Variants in RIN2 observed in about 807,000 individuals in gnomAD.
RIN2 encodes the protein Ras and Rab interactor 2, also known as RAB5 interacting protein 2.
RIN2 carries 36 observed loss-of-function variants against 78.0 expected under a neutral mutation model. The ratio of observed to expected loss-of-function variants is 0.46; its 90% confidence interval spans 0.35 to 0.61. RIN2 has a LOEUF of 0.61. Ranked by LOEUF, RIN2 falls within the 20% of genes least tolerant of loss-of-function variation. The probability of loss-of-function intolerance (pLI) is 0.00; values close to 1 mark genes in which losing one functional copy is unlikely to be tolerated. For synonymous variants in RIN2, 466 were observed against 466.8 expected (o/e 1.00, Z 0.02); for missense variants, 1,087 against 1,159.7 (o/e 0.94, Z 0.91).
Position 19,889,570 on chromosome 20 carries a change from C to G in RIN2, c.-32C>G, listed in dbSNP as rs1226712740. On this transcript the variant is annotated 5_prime_UTR_variant, in exon 3 of 13. Coordinates refer to ENST00000255006, the MANE Select transcript of RIN2 (RefSeq NM_018993.4). ...TAAAAATGTCTCTACCTTCAGGAGT[C>G]CCCGGCGTGCAGTGGAGCCTCGCTG... 6.5e-7 allele frequency: 1 copy of G among 1,546,778 alleles called. No homozygotes were observed. Among genetic ancestry groups the G allele is most frequent in the East Asian group, 2.5e-5 (1 of 40,564 alleles).
chr20:19,842,895 G>A (rs2036627000), intron 2 of RIN2, among the ~76,000 whole-genome samples: 2 of 151,822 alleles, frequency 1.3e-5, no homozygotes, highest in South Asian at 4.2e-4. Flanking sequence ...ATGTCACAAA[G>A]AACATTCATG....
intron 4 of RIN2, among the ~76,000 whole-genome samples, chr20:19,952,490 G>T (rs1007220676): frequency 1.2e-4 from 19 of 152,244 alleles, no homozygotes; most frequent in Admixed American, 9.8e-4. Flanking sequence ...GAATCAAGGT[G>T]TCAGCTTAGT....
intron 4 of RIN2, among the ~76,000 whole-genome samples, chr20:19,935,776 G>A (rs775293440): frequency 6.7e-6 from 1 of 149,942 alleles, no homozygotes; most frequent in Non-Finnish European, 1.5e-5. Flanking sequence ...GGAGGCAAGG[G>A]ACTGGTCTGT....
At chr20:19,783,341 T>TG (rs1165999421) in intron 1 of RIN2, among the ~76,000 whole-genome samples, 2 of 152,230 alleles carry the variant, frequency 1.3e-5, no homozygotes, top group Non-Finnish European at 2.9e-5. Context: ...TCCCCATCAC[T>TG]GCCCCTTTGA....
chr20:19,857,262 C>T (rs1379337169), intron 2 of RIN2, among the ~76,000 whole-genome samples: 1 of 152,114 alleles, frequency 6.6e-6, no homozygotes, highest in Non-Finnish European at 1.5e-5. Flanking sequence ...TTTTGCTCAA[C>T]ATAATGTTTT....
intron 1 of RIN2, among the ~76,000 whole-genome samples, chr20:19,795,170 C>T (rs1052124939): frequency 6.6e-6 from 1 of 152,156 alleles, no homozygotes; most frequent in African/African-American, 2.4e-5. Flanking sequence ...AACCCGGACT[C>T]GCAGGGAAGT....
intron 2 of RIN2, among the ~76,000 whole-genome samples, chr20:19,840,678 A>G (rs2036551830): frequency 6.6e-6 from 1 of 152,170 alleles, no homozygotes; most frequent in Non-Finnish European, 1.5e-5. Flanking sequence ...CTGGGAGAAC[A>G]TCTTCATCCA....
Position 19,769,265 on chromosome 20 carries a change from C to T in RIN2, c.-163+10938C>T, listed in dbSNP as rs573017497. On this transcript the variant is annotated intron_variant, in intron 1 of 12. Transcript: ENST00000255006. ...AGCTTTCTGTTTCTATTATTATTGG[C>T]TCTGAGTTCCTTGAAGGGTAAGTAA... 9.2e-5 allele frequency among the ~76,000 whole-genome samples: 14 copies of T among 152,252 alleles called. No homozygotes were observed. In the South Asian group the frequency reaches 2.7e-3, roughly 29 times the overall value.
chr20:19,764,928 T>TG (rs1343950640), intron 1 of RIN2, among the ~76,000 whole-genome samples: 7 of 130,644 alleles, frequency 5.4e-5, no homozygotes, highest in African/African-American at 2.0e-4. Context: ...GTTTTTTTTT[T>TG]TTTTTTTTTT....
At chr20:19,760,827 G>T (rs1432741398) in intron 1 of RIN2, among the ~76,000 whole-genome samples, 1 of 152,038 alleles carries the variant, frequency 6.6e-6, no homozygotes, top group African/African-American at 2.4e-5. Context: ...AGATTTCCCC[G>T]ACCCTGTCCT....
At chr20:19,999,455 C>T (rs2043074459) in intron 12 of RIN2, among the ~76,000 whole-genome samples, 1 of 152,176 alleles carries the variant, frequency 6.6e-6, no homozygotes, top group Non-Finnish European at 1.5e-5. Flanking sequence ...TCCCAGGAAA[C>T]CCTCGTGGTG....
intron 3 of RIN2, among the ~76,000 whole-genome samples, chr20:19,911,299 C>T (rs981304815): frequency 6.6e-6 from 1 of 151,376 alleles, no homozygotes; most frequent in East Asian, 2.0e-4. Context: ...ATGATCTGTG[C>T]GCCTTGGCCT....
chr20:19,987,017 A>T (rs1052228950), intron 9 of RIN2, among the ~76,000 whole-genome samples: 8 of 152,168 alleles, frequency 5.3e-5, no homozygotes, highest in Non-Finnish European at 1.2e-4. Flanking sequence ...CTGCTTTTGA[A>T]CTTCATATAA....
intron 2 of RIN2, among the ~76,000 whole-genome samples, chr20:19,801,006 G>A (rs556124784): frequency 6.6e-5 from 10 of 152,166 alleles, no homozygotes; most frequent in Admixed American, 1.3e-4. Context: ...CTGGGCCTTC[G>A]CTGCCCTGTA....
chr20:19,814,653 G>A (rs1325514882), intron 2 of RIN2, among the ~76,000 whole-genome samples: 1 of 152,098 alleles, frequency 6.6e-6, no homozygotes, highest in African/African-American at 2.4e-5. Flanking sequence ...AGGCTGGAGT[G>A]CAGTGGCACA....
At chr20:19,984,836 T>C (rs1028065333) in intron 9 of RIN2, among the ~76,000 whole-genome samples, 3 of 152,188 alleles carry the variant, frequency 2.0e-5, no homozygotes, top group Non-Finnish European at 4.4e-5. Context: ...AAACACGCCA[T>C]TATGAAGCAT....
At chr20:19,971,936 T>G (rs1221127295) in intron 8 of RIN2, among the ~76,000 whole-genome samples, 1 of 152,046 alleles carries the variant, frequency 6.6e-6, no homozygotes, top group Non-Finnish European at 1.5e-5. Flanking sequence ...GCGACGGCGT[T>G]TCACCACGTT....
chr20:19,925,393 G>A (rs752356891), intron 3 of RIN2, among the ~76,000 whole-genome samples: 35 of 152,292 alleles, frequency 2.3e-4, no homozygotes, highest in Admixed American at 5.2e-4. Flanking sequence ...TCAAGATGAG[G>A]AACTTCTTTC....
At chr20:19,929,206 A>T (rs1311999335) in intron 3 of RIN2, among the ~76,000 whole-genome samples, 2 of 152,150 alleles carry the variant, frequency 1.3e-5, no homozygotes, top group Non-Finnish European at 2.9e-5. Context: ...AGCTTTGCAG[A>T]TGTTTAGACA....
Sources: allele counts gnomAD v4.1 joint callset (sites outside exome capture counted in the v4.1 genomes callset), GRCh38; gene constraint gnomAD v4.1.1; transcripts MANE v1.5; gene names NCBI Gene and HGNC (gene_info 2026-07-23, HGNC 2026-07-21).